MGAM2: variants seen among roughly 807,000 people sequenced by gnomAD.
MGAM2 encodes maltase-glucoamylase 2 (putative).
Under a neutral mutation model 96.1 loss-of-function variants are expected in MGAM2, and 98 were observed. That is an observed-to-expected ratio of 1.02 (90% CI 0.87 to 1.21). The LOEUF is 1.21. Among genes scored for constraint, MGAM2 ranks in the 50% most tolerant of loss-of-function variants. The pLI is 0.00. For synonymous variants in MGAM2, 749 were observed against 414.8 expected (o/e 1.81, Z -9.79); for missense variants, 2,055 against 1,182.4 (o/e 1.74, Z -10.82).
chr7:142,120,484 C>T (rs1450629285), intron 3 of MGAM2, 103 bp downstream of exon 3: 2 of 587,322 alleles, frequency 3.4e-6, no homozygotes, highest in African/African-American at 1.9e-5. Flanking sequence ...TTCTGGGCCT[C>T]TGATTTGTTT....
chr7:142,196,473 C>T, intron 38 of MGAM2, 92 bp from the exon 39 acceptor site: 1 of 697,722 alleles, frequency 1.4e-6, no homozygotes. Context: ...TGGTCCAGGG[C>T]TTTCTAATGG....
At chr7:142,209,916 G>A (rs1310058255) in intron 46 of MGAM2, among the ~76,000 whole-genome samples, 1 of 152,156 alleles carries the variant, frequency 6.6e-6, no homozygotes, top group Non-Finnish European at 1.5e-5. Context: ...GGGCTTCCTG[G>A]GCAAGATGGC....
chr7:142,219,925 T>C lies in MGAM2; in HGVS notation c.5414T>C (p.Val1805Ala). 1 of 702,736 alleles carries C rather than the reference T, an allele frequency of 1.4e-6. No homozygotes were observed. Among genetic ancestry groups the C allele is most frequent in the Non-Finnish European group, 2.6e-6 (1 of 384,848 alleles). 43.5% of individuals were successfully genotyped at this position (702,736 alleles called of 1,614,324 possible). Residue 1805 changes from valine to alanine, a missense_variant, in exon 48 of 48, where the codon GTT (valine) becomes GCT (alanine). Physicochemically the swap from Val to Ala is moderately conservative, Grantham distance 64 (BLOSUM62 0). Transcript: ENST00000477922. ...KTINLEKLTEVTWIDGGPVLP... is the reference protein window; with the variant it reads ...KTINLEKLTEATWIDGGPVLP... ...ATCAACCTGGAAAAGTTAACTGAGG[T>C]TACTTGGATTGATGGTGGTCCTGTA...
intron 3 of MGAM2, among the ~76,000 whole-genome samples, chr7:142,120,965 T>C (rs1794551763): frequency 1.3e-5 from 2 of 152,198 alleles, no homozygotes; most frequent in African/African-American, 2.4e-5. Context: ...GACTTAGGAC[T>C]TTTTCATAAA....
chr7:142,197,600 A>G (rs1271973550), intron 41 of MGAM2, 44 bp from the exon 42 acceptor site: 1 of 703,074 alleles, frequency 1.4e-6, no homozygotes, highest in African/African-American at 1.7e-5. Flanking sequence ...CCTCTGTAGC[A>G]GTCATAAGAG....
chr7:142,130,995 T>G lies in MGAM2; in HGVS notation c.234T>G (p.Asp78Glu), dbSNP rs886947199. 3 of 702,644 alleles carry G rather than the reference T, an allele frequency of 4.3e-6. No individual in the cohort carries two copies. In the African/African-American group the frequency reaches 5.2e-5, roughly 12 times the overall value. 43.5% of individuals were successfully genotyped at this position (702,644 alleles called of 1,614,324 possible). A position where few individuals can be genotyped will look rare whatever the true frequency, so the allele number is the denominator to read the frequency against. Residue 78 changes from aspartate to glutamate, a missense_variant, in exon 4 of 48, where the codon GAT becomes GAG. Asp to Glu is a conservative substitution (Grantham distance 45). Coordinates refer to ENST00000477922, the MANE Select transcript of MGAM2 (RefSeq NM_001293626.2). The part of the protein sequence containing the change: ...QYKCCWSPVA[D>E]ANVPRCFFPW... The stretch of plus-strand genomic sequence containing the variant: ...AGTGCTGCTGGTCGCCTGTGGCAGA[T>G]GCCAATGTCCCTAGGTGCTTCTTCC...
At chr7:142,182,055 A>G (rs965420281) in intron 32 of MGAM2, among the ~76,000 whole-genome samples, 1 of 152,120 alleles carries the variant, frequency 6.6e-6, no homozygotes, top group Non-Finnish European at 1.5e-5. Context: ...CCAGTCTGGC[A>G]GAGGGAGGCA....
At chr7:142,117,069 A>G in intron 2 of MGAM2, 90 bp downstream of exon 2, 1 of 690,564 alleles carries the variant, frequency 1.4e-6, no homozygotes, top group Admixed American at 2.1e-5. Flanking sequence ...ACTTTTCAAT[A>G]TGCCACTACA....
At chr7:142,188,381 G>T (rs1469330403) in intron 36 of MGAM2, among the ~76,000 whole-genome samples, 3 of 151,964 alleles carry the variant, frequency 2.0e-5, no homozygotes, top group Non-Finnish European at 4.4e-5. Flanking sequence ...GAGGTGGGAG[G>T]ATTGTTTAAG....
chr7:142,134,214 A>C, intron 7 of MGAM2, 62 bp downstream of exon 7: 1 of 652,996 alleles, frequency 1.5e-6, no homozygotes, highest in Non-Finnish European at 2.8e-6. Context: ...CCTTTCCTAA[A>C]AGTAGCCTGC....
At chr7:142,118,176 C>G (rs947702451) in intron 2 of MGAM2, among the ~76,000 whole-genome samples, 1 of 151,936 alleles carries the variant, frequency 6.6e-6, no homozygotes, top group African/African-American at 2.4e-5. Flanking sequence ...ACTCCCTCTT[C>G]CCCCTAACTC....
At chr7:142,140,258 T>A (rs1795181808) in intron 10 of MGAM2, among the ~76,000 whole-genome samples, 1 of 152,156 alleles carries the variant, frequency 6.6e-6, no homozygotes, top group South Asian at 2.1e-4. Flanking sequence ...TCACTAAGAA[T>A]AACACCTGCT....
chr7:142,183,356 G>T lies in MGAM2; in HGVS notation c.3907G>T (p.Asp1303Tyr). Reference sequence around the variant, plus strand: ...GTTCATCAAATGGCCTGACACCAATGACATTGTCTGGGGAAAGGTAAGGCT... The same window carrying T: ...GTTCATCAAATGGCCTGACACCAATTACATTGTCTGGGGAAAGGTAAGGCT... ...NVFIKWPDTN[D>Y]IVWGKVWPDL... The change falls in exon 33 of 48, where the codon GAC becomes TAC. Residue 1303 changes from aspartate to tyrosine, a missense_variant. Physicochemically the swap from Asp to Tyr is radical, Grantham distance 160. Coordinates refer to ENST00000477922, the MANE Select transcript of MGAM2 (RefSeq NM_001293626.2). The T allele has an allele frequency of 1.4e-6, 1 of 702,960 alleles. No individual in the cohort carries two copies. The highest frequency in any genetic ancestry group is 1.5e-5 in the South Asian group (1 of 67,560). The allele number at this position is 702,960 out of a possible 1,614,324, so 43.5% of individuals were successfully genotyped here. A position where few individuals can be genotyped will look rare whatever the true frequency, so the allele number is the denominator to read the frequency against.
chr7:142,197,789 G>A, intron 42 of MGAM2, 61 bp downstream of exon 42: 1 of 701,502 alleles, frequency 1.4e-6, no homozygotes, highest in Non-Finnish European at 2.6e-6. Context: ...CATGGGAAAA[G>A]CATTTTAAAG....
At chr7:142,207,947 A>G (rs1430513462) in intron 45 of MGAM2, among the ~76,000 whole-genome samples, 1 of 152,128 alleles carries the variant, frequency 6.6e-6, no homozygotes, top group Non-Finnish European at 1.5e-5. Context: ...ATGAGCTAAG[A>G]GTAGGGAGAG....
chr7:142,183,950 CTTTTTTTTTTTTTTTTTTTTTT>C lies in MGAM2; in HGVS notation c.3924+596_3924+617del, dbSNP rs748299647. On this transcript the variant is annotated intron_variant, in intron 33 of 47. Coordinates refer to ENST00000477922, the MANE Select transcript of MGAM2 (RefSeq NM_001293626.2). The stretch of plus-strand genomic sequence containing the variant: ...ACTGCTCTGGATGTATTCCAGGCTC[CTTTTTTTTTTTTTTTTTTTTTT>C]TTTTTTTTTTTTTTTTTTGAGATGG... Among the ~76,000 whole-genome samples, 44 of 46,146 alleles carry C rather than the reference CTTTTTTTTTTTTTTTTTTTTTT, an allele frequency of 9.5e-4. 1 individual carries two copies. Among genetic ancestry groups the C allele is most frequent in the Admixed American group, 7.8e-3 (20 of 2,580 alleles). The allele number at this position is 46,146 out of a possible 152,430, so 30.3% of individuals were successfully genotyped here.
At chr7:142,134,997 G>T (rs1437068391) in intron 7 of MGAM2, among the ~76,000 whole-genome samples, 3 of 152,098 alleles carry the variant, frequency 2.0e-5, no homozygotes, top group Non-Finnish European at 4.4e-5. Context: ...ATAACAAAGG[G>T]TTTGAGGAAG....
intron 37 of MGAM2, among the ~76,000 whole-genome samples, chr7:142,194,287 C>A (rs1401688977): frequency 6.6e-6 from 1 of 152,234 alleles, no homozygotes; most frequent in Non-Finnish European, 1.5e-5. Context: ...CTGCCTGGGC[C>A]TCCCAAAGAG....
At chr7:142,131,096 C>G in intron 4 of MGAM2, 25 bp downstream of exon 4, 2 of 699,136 alleles carry the variant, frequency 2.9e-6, no homozygotes, top group South Asian at 3.0e-5. Context: ...GATGTTGCGC[C>G]TGGGAACAAC....
Sources: gnomAD v4.1 joint callset for allele counts (sites outside exome capture counted in the v4.1 genomes callset) on GRCh38, gnomAD v4.1.1 for gene constraint, MANE v1.5 for transcripts, NCBI Gene and HGNC (gene_info 2026-07-23, HGNC 2026-07-21) for gene names.